The following CAPN13 variants were observed in gnomAD, a reference collection of about 807,000 sequenced individuals.
CAPN13 encodes calpain 13.
CAPN13 carries 90 observed loss-of-function variants against 98.4 expected under a neutral mutation model. The ratio of observed to expected loss-of-function variants is 0.92; its 90% CI spans 0.77 to 1.09. The LOEUF is 1.09. Ranked by LOEUF, CAPN13 falls within the 50% of genes least tolerant of loss-of-function variation. The probability of loss-of-function intolerance (pLI) is 0.00; values close to 1 mark genes in which losing one functional copy is unlikely to be tolerated. For synonymous variants in CAPN13, 330 were observed against 305.5 expected (o/e 1.08, Z -0.84); for missense variants, 887 against 841.3 (o/e 1.05, Z -0.67).
intron 2 of CAPN13, among the ~76,000 whole-genome samples, chr2:30,778,399 A>G (rs751185514): frequency 1.4e-4 from 21 of 152,168 alleles, no homozygotes; most frequent in Non-Finnish European, 3.1e-4. Context: ...TTGGGAGAAC[A>G]CCAGGCCACA....
intron 2 of CAPN13, among the ~76,000 whole-genome samples, chr2:30,783,214 C>G (rs1674083639): frequency 6.6e-6 from 1 of 152,214 alleles, no homozygotes; most frequent in Non-Finnish European, 1.5e-5. Context: ...ACTCTAAGTA[C>G]TAAATTTAGC....
chr2:30,751,749 A>T (rs1292641638), intron 10 of CAPN13, among the ~76,000 whole-genome samples: 3 of 152,246 alleles, frequency 2.0e-5, no homozygotes, highest in African/African-American at 7.2e-5. Context: ...AAGAATGAAG[A>T]TAAGTCAAGA....
chr2:30,740,643 G>A (rs1056339654), intron 15 of CAPN13, among the ~76,000 whole-genome samples: 9 of 152,250 alleles, frequency 5.9e-5, no homozygotes, highest in African/African-American at 2.2e-4. Context: ...CCACACTGGG[G>A]TCTTATTCTT....
Position 30,743,397 on chromosome 2 carries a change from C to G in CAPN13, c.1431G>C (p.Met477Ile). The G allele has an allele frequency of 6.2e-7, 1 of 1,613,758 alleles. No individual in the cohort carries two copies. Among genetic ancestry groups the G allele is most frequent in the Non-Finnish European group, 8.5e-7 (1 of 1,179,642 alleles). Residue 477 changes from methionine (M) to isoleucine (I), a missense_variant, in exon 13 of 23, where the codon ATG (methionine) becomes ATC (isoleucine). By Grantham distance (10) the Met-to-Ile change is conservative. Transcript: ENST00000295055. ...GGGTTCTGTACCTGTCACTGTCTGG[C>G]ATTTTCAGGAAGATTCGGAGCAAGA... ...AEFLLRIFLK[M>I]PDSDRHLSSH...
At chr2:30,801,592 G>A (rs1177311975) in intron 1 of CAPN13, among the ~76,000 whole-genome samples, 1 of 143,510 alleles carries the variant, frequency 7.0e-6, no homozygotes, top group African/African-American at 2.6e-5. Context: ...GTGATAGAGG[G>A]AGACTCAGTC....
intron 1 of CAPN13, among the ~76,000 whole-genome samples, 186 bp from the exon 2 acceptor site, chr2:30,787,543 C>T (rs1674359237): frequency 6.6e-6 from 1 of 152,232 alleles, no homozygotes; most frequent in South Asian, 2.1e-4. Context: ...TCCCAGTTAA[C>T]ATTTCAAGCT....
At chr2:30,730,936 G>A in intron 21 of CAPN13, 150 bp from the exon 22 acceptor site, 1 of 658,392 alleles carries the variant, frequency 1.5e-6, no homozygotes, top group South Asian at 1.8e-5. Flanking sequence ...GTACGGGGCG[G>A]GGTTGTCTCA....
intron 1 of CAPN13, among the ~76,000 whole-genome samples, chr2:30,789,575 T>C (rs1010369814): frequency 2.0e-5 from 3 of 152,162 alleles, no homozygotes; most frequent in African/African-American, 7.2e-5. Flanking sequence ...CTGTGCACTA[T>C]TGGATGGAGG....
chr2:30,754,417 C>T, intron 8 of CAPN13, 53 bp from the exon 9 acceptor site: 1 of 1,506,114 alleles, frequency 6.6e-7, no homozygotes, highest in Non-Finnish European at 9.0e-7. Context: ...CATTTTTTCT[C>T]AACCATGTGT....
rs746408981 is a variant in CAPN13 at position 30,763,071 on chromosome 2, G to A, written c.774+11C>T. ...CAGGGGAGAGCTGGACAGGCCAGCA[G>A]CCAGCCTTACCTGCTCAGCCCCAGT... On this transcript the variant is annotated intron_variant, in intron 7 of 22. Transcript: ENST00000295055. The A allele has an allele frequency of 2.5e-6, 4 of 1,602,570 alleles. No homozygotes were observed. Among genetic ancestry groups the A allele is most frequent in the African/African-American group, 1.3e-5 (1 of 74,704 alleles).
intron 2 of CAPN13, among the ~76,000 whole-genome samples, chr2:30,786,658 G>C (rs764201598): frequency 3.9e-5 from 6 of 152,148 alleles, no homozygotes; most frequent in Non-Finnish European, 7.3e-5. Context: ...AGAGAGGAGA[G>C]GTGATTATTT....
chr2:30,753,376 C>G (rs1237083900), intron 9 of CAPN13, among the ~76,000 whole-genome samples, 178 bp from the exon 10 acceptor site: 1 of 152,148 alleles, frequency 6.6e-6, no homozygotes, highest in African/African-American at 2.4e-5. Context: ...GCTGGGAGGG[C>G]AAGGCAAGGA....
chr2:30,763,079 T>A lies in CAPN13; in HGVS notation c.774+3A>T. 6.2e-7 allele frequency: 1 copy of A among 1,606,472 alleles called. No individual in the cohort carries two copies. Among genetic ancestry groups the A allele is most frequent in the Non-Finnish European group, 8.5e-7 (1 of 1,176,378 alleles). On this transcript the variant is annotated splice_donor_region_variant and intron_variant, in intron 7 of 22. Coordinates refer to ENST00000295055, the MANE Select transcript of CAPN13 (RefSeq NM_144575.3). ...AGCTGGACAGGCCAGCAGCCAGCCT[T>A]ACCTGCTCAGCCCCAGTCACAGTGT...
intron 4 of CAPN13, 84 bp downstream of exon 4, chr2:30,775,846 G>A: frequency 1.1e-6 from 1 of 882,474 alleles, no homozygotes; most frequent in Non-Finnish European, 1.6e-6. Flanking sequence ...AGGCTTCCCG[G>A]CCACGAGAAA....
intron 5 of CAPN13, among the ~76,000 whole-genome samples, chr2:30,768,708 T>TCCTTCCTTCCTTCCTTCCTTCC (rs1673235097): frequency 4.6e-5 from 7 of 152,070 alleles, no homozygotes; most frequent in African/African-American, 1.7e-4. Context: ...CTTCCTTCCT[T>TCCTTCCTTCCTTCCTTCCTTCC]TTATCCACAT....
intron 22 of CAPN13, among the ~76,000 whole-genome samples, chr2:30,724,759 C>G (rs1670799093): frequency 6.6e-6 from 1 of 152,200 alleles, no homozygotes; most frequent in Admixed American, 6.5e-5. Context: ...GAGAGTTTAA[C>G]TTGAACTCTG....
chr2:30,741,510 G>C (rs2147967382), intron 15 of CAPN13: 1 of 1,053,788 alleles, frequency 9.5e-7, no homozygotes. Context: ...CAAGGATGCT[G>C]TATGTGCTTT....
chr2:30,723,550 C>T (rs1670761423), intron 22 of CAPN13, among the ~76,000 whole-genome samples: 1 of 151,802 alleles, frequency 6.6e-6, no homozygotes, highest in African/African-American at 2.4e-5. Context: ...TGGAGGGAAA[C>T]TTGGGGGAGA....
At chr2:30,800,403 A>T (rs1377697335) in intron 1 of CAPN13, among the ~76,000 whole-genome samples, 1 of 152,122 alleles carries the variant, frequency 6.6e-6, no homozygotes, top group Non-Finnish European at 1.5e-5. Flanking sequence ...TGCTGTGTGG[A>T]CCCAGCCTCT....
Sources: gnomAD v4.1 joint callset for allele counts (sites outside exome capture counted in the v4.1 genomes callset) on GRCh38, gnomAD v4.1.1 for gene constraint, MANE v1.5 for transcripts, NCBI Gene and HGNC (gene_info 2026-07-23, HGNC 2026-07-21) for gene names.